Variants in SNX19 observed in about 807,000 individuals in gnomAD.
SNX19 encodes the protein sorting nexin 19.
In SNX19, 60 loss-of-function variants were observed where a neutral mutation model predicts 85.2. The ratio of observed to expected loss-of-function variants is 0.70; its 90% CI spans 0.57 to 0.87. SNX19 has a LOEUF of 0.87. Ranked by LOEUF, SNX19 falls within the 40% of genes least tolerant of loss-of-function variation. The pLI, the probability that SNX19 is intolerant of heterozygous loss-of-function variation, is 0.00. For missense variants in SNX19, 1,201 were observed against 1,217.8 expected (o/e 0.99, Z 0.21); for synonymous variants, 520 against 470.0 (o/e 1.11, Z -1.38).
intron 8 of SNX19, among the ~76,000 whole-genome samples, chr11:130,889,443 C>T (rs943510604): frequency 6.6e-6 from 1 of 152,090 alleles, no homozygotes; most frequent in East Asian, 1.9e-4. Flanking sequence ...TTATGTAATT[C>T]ATTTTGACAT....
Position 130,868,527 on chromosome 11 carries a change from T to C in SNX19, c.*9895A>G, listed in dbSNP as rs1202795284. On this transcript the variant is annotated 3_prime_UTR_variant, in exon 11 of 11. Transcript: ENST00000265909. ...GTTTCTGGGACATTTCCACCTTAGA[T>C]TAGACAGGCATTGGAGTCAGGAGCT... 1 of 152,194 alleles carries C rather than the reference T, an allele frequency of 6.6e-6. No individual in the cohort carries two copies. The highest frequency in any genetic ancestry group is 1.5e-5 in the Non-Finnish European group (1 of 68,084). The allele number at this position is 152,194 out of a possible 1,614,324, so 9.4% of individuals were successfully genotyped here.
At chr11:130,903,918 G>A (rs557364098) in intron 7 of SNX19, among the ~76,000 whole-genome samples, 5 of 152,118 alleles carry the variant, frequency 3.3e-5, no homozygotes, top group South Asian at 4.1e-4. Flanking sequence ...TGGAAACACC[G>A]TGGCAGAAGT....
chr11:130,897,491 C>A (rs1484013555), intron 8 of SNX19, among the ~76,000 whole-genome samples: 1 of 152,136 alleles, frequency 6.6e-6, no homozygotes, highest in Non-Finnish European at 1.5e-5. Flanking sequence ...ATCGTTGGGG[C>A]CATGGGGAGG....
intron 8 of SNX19, among the ~76,000 whole-genome samples, chr11:130,887,543 T>A (rs1179320288): frequency 6.6e-6 from 1 of 152,216 alleles, no homozygotes; most frequent in Admixed American, 6.5e-5. Context: ...CAATTAGCAA[T>A]GTGACCTCAG....
intron 4 of SNX19, among the ~76,000 whole-genome samples, chr11:130,909,215 A>C (rs1045030324): frequency 6.6e-6 from 1 of 152,224 alleles, no homozygotes; most frequent in African/African-American, 2.4e-5. Context: ...TAATGGATGA[A>C]TGATATCTGC....
chr11:130,905,270 C>T (rs1259265570), intron 7 of SNX19, among the ~76,000 whole-genome samples: 1 of 152,228 alleles, frequency 6.6e-6, no homozygotes, highest in Non-Finnish European at 1.5e-5. Flanking sequence ...TTCACCTCTT[C>T]TCCCTCCCTA....
chr11:130,900,691 C>T (rs562985763), intron 8 of SNX19, among the ~76,000 whole-genome samples: 23 of 152,208 alleles, frequency 1.5e-4, no homozygotes, highest in African/African-American at 4.1e-4. Flanking sequence ...AATAATTTCT[C>T]GTGTTCTGAA....
At chr11:130,898,861 T>C (rs1347424571) in intron 8 of SNX19, among the ~76,000 whole-genome samples, 1 of 152,166 alleles carries the variant, frequency 6.6e-6, no homozygotes, top group Non-Finnish European at 1.5e-5. Flanking sequence ...CCTGATAATC[T>C]CCAGTACTTG....
intron 8 of SNX19, chr11:130,893,768 ATGC>A (rs1034560001): frequency 3.1e-5 from 22 of 702,006 alleles, no homozygotes; most frequent in Middle Eastern, 2.3e-4. Context: ...ACTTACCTTG[ATGC>A]TGCATTTGCA....
At chr11:130,902,142 G>A (rs1471647991) in intron 8 of SNX19, among the ~76,000 whole-genome samples, 5 of 152,192 alleles carry the variant, frequency 3.3e-5, no homozygotes, top group Non-Finnish European at 5.9e-5. Flanking sequence ...TGACGACCTT[G>A]GGCATGTTAG....
chr11:130,908,381 A>G (rs765887366), intron 4 of SNX19: 4 of 214,698 alleles, frequency 1.9e-5, no homozygotes, highest in Non-Finnish European at 2.8e-5. Flanking sequence ...CGGGCTGGTG[A>G]TGTATTTTTC....
intron 8 of SNX19, among the ~76,000 whole-genome samples, chr11:130,889,391 AC>A (rs1175599487): frequency 1.3e-5 from 2 of 151,656 alleles, no homozygotes; most frequent in Admixed American, 6.6e-5. Context: ...ATGCCCCCCG[AC>A]CCCCCAGAAA....
chr11:130,869,819 A>C lies in SNX19; in HGVS notation c.*8603T>G, dbSNP rs1322784983. 6.6e-6 allele frequency: 1 copy of C among 152,182 alleles called. No homozygotes were observed. The highest frequency in any genetic ancestry group is 1.5e-5 in the Non-Finnish European group (1 of 68,028). 9.4% of individuals were successfully genotyped at this position (152,182 alleles called of 1,614,324 possible). On this transcript the variant is annotated 3_prime_UTR_variant, in exon 11 of 11. Coordinates refer to ENST00000265909, the MANE Select transcript of SNX19 (RefSeq NM_014758.3). The stretch of plus-strand genomic sequence containing the variant: ...GCATTTAAGGTTCACATATAGCCTT[A>C]AGTTGATGTCCATATTGATTTAACT...
intron 4 of SNX19, 145 bp from the exon 5 acceptor site, chr11:130,908,228 G>A (rs763318523): frequency 1.0e-4 from 79 of 793,050 alleles, no homozygotes; most frequent in Non-Finnish European, 1.5e-4. Context: ...TAGGAAGGTC[G>A]AATACCAGCT....
In SNX19 at chr11:130,915,242, G is replaced by C. The variant is rs758945959; in HGVS notation, c.698C>G (p.Thr233Ser). Residue 233 changes from threonine to serine, a missense_variant, in exon 1 of 11, where the codon ACC (threonine) becomes AGC (serine). Thr to Ser is a moderately conservative substitution (Grantham distance 58). This residue lies in a region of SNX19 where 791 missense variants were observed against 750.9 expected (regional missense o/e 1.05). Coordinates refer to ENST00000265909, the MANE Select transcript of SNX19 (RefSeq NM_014758.3). ...GAGTTCGACCACTACATGGCGTCCG[G>C]TACGAGTCTCCAAGTGGGGCTTGGG... is the stretch of plus-strand genomic sequence containing the variant. ...LVPKPHLETR[T>S]GRHVVVELIT... The C allele has an allele frequency of 1.2e-5, 19 of 1,614,112 alleles. No individual in the cohort carries two copies. The highest frequency in any genetic ancestry group is 1.4e-5 in the Non-Finnish European group (16 of 1,180,048).
chr11:130,908,025 T>C lies in SNX19; in HGVS notation c.2093A>G (p.Gln698Arg), dbSNP rs761117993. 3 of 1,614,050 alleles carry C rather than the reference T, an allele frequency of 1.9e-6. No individual in the cohort carries two copies. Among genetic ancestry groups the C allele is most frequent in the African/African-American group, 2.7e-5 (2 of 74,924 alleles). Residue 698 changes from glutamine to arginine, a missense_variant, in exon 5 of 11, where the codon CAG (glutamine) becomes CGG (arginine). Around this residue, in one of 3 missense-constraint regions of SNX19, gnomAD observed 125 missense variants for 171.6 expected, o/e 0.73. Coordinates refer to ENST00000265909, the MANE Select transcript of SNX19 (RefSeq NM_014758.3). Reference protein sequence around the residue: ...LKTAFPRSEPQSPTEELSEAE... With the variant: ...LKTAFPRSEPRSPTEELSEAE... ...CTCACTCAGCTCCTCTGTGGGGCTCTGGGGTTCAGAGCGAGGAAACGCTGT... is the reference window on the plus strand; with the variant it reads ...CTCACTCAGCTCCTCTGTGGGGCTCCGGGGTTCAGAGCGAGGAAACGCTGT...
chr11:130,898,828 T>A lies in SNX19; in HGVS notation c.2573+4427A>T, dbSNP rs1945057016. Among the ~76,000 whole-genome samples the A allele has an allele frequency of 1.3e-5, 2 of 151,628 alleles. 1 individual carries two copies. The highest frequency in any genetic ancestry group is 4.2e-4 in the South Asian group (2 of 4,798). ...AGCTGCAAGTGTGTAGATACGGAGA[T>A]GCAGTTTGGATTCTACAAACTGCCT... On this transcript the variant is annotated intron_variant, in intron 8 of 10. Transcript: ENST00000265909.
intron 8 of SNX19, among the ~76,000 whole-genome samples, chr11:130,897,961 G>C (rs1459404745): frequency 6.6e-6 from 1 of 152,148 alleles, no homozygotes; most frequent in Non-Finnish European, 1.5e-5. Flanking sequence ...GACACATGAG[G>C]TTAGGCGCAC....
chr11:130,887,580 T>C (rs753405675), intron 8 of SNX19, among the ~76,000 whole-genome samples: 3 of 152,218 alleles, frequency 2.0e-5, no homozygotes, highest in Non-Finnish European at 4.4e-5. Context: ...CTTAAAAGCA[T>C]AATCTAAATT....
Sources: allele counts gnomAD v4.1 joint callset (sites outside exome capture counted in the v4.1 genomes callset), GRCh38; gene constraint gnomAD v4.1.1; regional missense constraint gnomAD v4.1.1; transcripts MANE v1.5; gene names NCBI Gene and HGNC (gene_info 2026-07-23, HGNC 2026-07-21).